Variants in PHF21A observed in about 807,000 individuals in gnomAD.
PHF21A encodes BHC80a.
Under a neutral mutation model 82.5 loss-of-function variants are expected in PHF21A, and 11 were observed. That is an observed-to-expected ratio of 0.13 (90% confidence interval 0.08 to 0.22). The LOEUF (loss-of-function observed/expected upper bound fraction) is 0.22, where lower values mean the gene tolerates loss of function less well. Ranked by LOEUF, PHF21A falls within the 10% of genes least tolerant of loss-of-function variation. The pLI, the probability that PHF21A is intolerant of heterozygous loss-of-function variation, is 1.00. For missense variants in PHF21A, 579 were observed against 837.8 expected (o/e 0.69, Z 3.81); for synonymous variants, 297 against 302.8 (o/e 0.98, Z 0.20).
At chr11:45,976,279 T>G (rs1423155753) in intron 7 of PHF21A, among the ~76,000 whole-genome samples, 1 of 152,202 alleles carries the variant, frequency 6.6e-6, no homozygotes, top group Non-Finnish European at 1.5e-5. Flanking sequence ...CAACCCTCCT[T>G]GACAAGTACT....
At chr11:46,106,554 G>A (rs532272494) in intron 1 of PHF21A, among the ~76,000 whole-genome samples, 3 of 152,246 alleles carry the variant, frequency 2.0e-5, no homozygotes, top group African/African-American at 4.8e-5. Flanking sequence ...TTTGGTCTTC[G>A]AGATATGATG....
intron 6 of PHF21A, among the ~76,000 whole-genome samples, chr11:46,045,285 T>G (rs561597626): frequency 6.6e-6 from 1 of 152,282 alleles, no homozygotes; most frequent in East Asian, 1.9e-4. Flanking sequence ...TTTTTCCCTA[T>G]GAAAGATCAT....
intron 7 of PHF21A, among the ~76,000 whole-genome samples, chr11:45,971,717 T>C (rs1565333682): frequency 1.3e-5 from 2 of 151,962 alleles, no homozygotes; most frequent in African/African-American, 2.4e-5. Flanking sequence ...TTCTAGTTCT[T>C]TGCTTGCTGT....
At chr11:46,085,580 A>G (rs1212050294) in intron 3 of PHF21A, among the ~76,000 whole-genome samples, 1 of 152,174 alleles carries the variant, frequency 6.6e-6, no homozygotes, top group Non-Finnish European at 1.5e-5. Context: ...TCTTCTTTGC[A>G]CCTATAAAGC....
At chr11:45,999,552 G>A (rs1427281971) in intron 6 of PHF21A, among the ~76,000 whole-genome samples, 3 of 152,294 alleles carry the variant, frequency 2.0e-5, no homozygotes, top group Admixed American at 2.0e-4. Context: ...CAAAATGCAA[G>A]CTTATTTTGA....
intron 10 of PHF21A, among the ~76,000 whole-genome samples, chr11:45,962,933 G>T (rs2093198849): frequency 6.6e-6 from 1 of 151,398 alleles, no homozygotes; most frequent in African/African-American, 2.4e-5. Flanking sequence ...TGCTACAAAA[G>T]AAATTATTTT....
chr11:46,008,666 T>G (rs1217521992), intron 6 of PHF21A, among the ~76,000 whole-genome samples: 2 of 152,190 alleles, frequency 1.3e-5, no homozygotes, highest in Non-Finnish European at 2.9e-5. Flanking sequence ...AGTCACACTC[T>G]CTGAGTTCCA....
intron 1 of PHF21A, among the ~76,000 whole-genome samples, chr11:46,113,761 G>A (rs1207202806): frequency 1.3e-5 from 2 of 151,306 alleles, no homozygotes; most frequent in Non-Finnish European, 1.5e-5. Context: ...GGGAGGTGGA[G>A]GCTGCAGTGA....
intron 1 of PHF21A, among the ~76,000 whole-genome samples, chr11:46,114,312 G>C (rs1242346860): frequency 6.6e-6 from 1 of 152,154 alleles, no homozygotes; most frequent in Non-Finnish European, 1.5e-5. Flanking sequence ...TTTTCTGCAA[G>C]TCTGTGGAAG....
intron 10 of PHF21A, among the ~76,000 whole-genome samples, chr11:45,957,824 G>C (rs1034617441): frequency 3.5e-5 from 5 of 142,126 alleles, no homozygotes; most frequent in African/African-American, 1.3e-4. Flanking sequence ...AAGAACAACA[G>C]ACTCAACAAA....
intron 6 of PHF21A, among the ~76,000 whole-genome samples, chr11:46,017,888 A>G (rs1488080912): frequency 6.6e-6 from 1 of 152,210 alleles, no homozygotes; most frequent in Non-Finnish European, 1.5e-5. Flanking sequence ...TGTAATCTCA[A>G]TTGGAACACA....
intron 6 of PHF21A, among the ~76,000 whole-genome samples, chr11:46,037,844 C>G (rs1361318048): frequency 2.0e-5 from 3 of 151,854 alleles, no homozygotes; most frequent in Admixed American, 2.0e-4. Context: ...TTAGTAAGAG[C>G]TTTATCTCAA....
At position 45,948,933 on chromosome 11, in the gene PHF21A, G is replaced by C. The variant is rs2091712433; in HGVS notation, c.1241C>G (p.Ala414Gly). ...CATTGTGCTGTTTAGGTATGTCACT[G>C]CACTCTTCTTACGCTTTGAGGGTTG... is the stretch of plus-strand genomic sequence containing the variant. ...AVFEPERKKS[A>G]VTYLNSTMHP... is the part of the protein sequence containing the mutation. The change falls in exon 14 of 19, where the codon GCA (alanine) becomes GGA (glycine). Residue 414 changes from alanine (A) to glycine (G), a missense_variant. Coordinates refer to ENST00000676320, the MANE Select transcript of PHF21A (RefSeq NM_001352027.3). The C allele has an allele frequency of 1.9e-6, 3 of 1,613,698 alleles. No homozygotes were observed. Among genetic ancestry groups the C allele is most frequent in the Middle Eastern group, 3.3e-4 (2 of 6,074 alleles).
chr11:46,114,443 A>T (rs2097262967), intron 1 of PHF21A, among the ~76,000 whole-genome samples: 1 of 152,242 alleles, frequency 6.6e-6, no homozygotes, highest in Admixed American at 6.5e-5. Flanking sequence ...AATTCCTAAC[A>T]AGGAAAGATA....
chr11:45,969,129 T>C (rs918145405), intron 9 of PHF21A, among the ~76,000 whole-genome samples: 18 of 152,162 alleles, frequency 1.2e-4, no homozygotes, highest in African/African-American at 4.3e-4. Context: ...CTTCTTCTTC[T>C]CCCTTTGTCT....
At chr11:45,941,838 A>C (rs535217035) in intron 15 of PHF21A, among the ~76,000 whole-genome samples, 2 of 152,340 alleles carry the variant, frequency 1.3e-5, no homozygotes, top group East Asian at 3.9e-4. Flanking sequence ...TACCAACTGC[A>C]ATTTCATCAT....
At chr11:45,934,251 C>T (rs759873830) in intron 18 of PHF21A, 26 bp from the exon 19 acceptor site, 5 of 1,600,444 alleles carry the variant, frequency 3.1e-6, no homozygotes, top group Admixed American at 1.7e-5. Context: ...AGGGCAGTGG[C>T]ACTGAGCCGC....
At chr11:46,015,262 AGACTGC>A (rs1249403879) in intron 6 of PHF21A, among the ~76,000 whole-genome samples, 3 of 152,144 alleles carry the variant, frequency 2.0e-5, no homozygotes, top group Non-Finnish European at 4.4e-5. Flanking sequence ...TTGGCTACAT[AGACTGC>A]AAATATTTTC....
Position 45,933,815 on chromosome 11 carries a change from G to A in PHF21A, c.*153C>T, listed in dbSNP as rs183541088. The A allele has an allele frequency of 2.8e-3, 1,862 of 667,760 alleles. 9 individuals are homozygous for A. Among genetic ancestry groups the A allele is most frequent in the Non-Finnish European group, 2.6e-3 (1,101 of 418,442 alleles). The allele number at this position is 667,760 out of a possible 1,614,324, so 41.4% of individuals were successfully genotyped here. On this transcript the variant is annotated 3_prime_UTR_variant, in exon 19 of 19. Coordinates refer to ENST00000676320, the MANE Select transcript of PHF21A (RefSeq NM_001352027.3). ...AAGAAGGATCAATTGGCAAACTCTG[G>A]TGCCACCTGGCACAAGCATCTTCTC...
Sources: gnomAD v4.1 joint callset for allele counts (sites outside exome capture counted in the v4.1 genomes callset) on GRCh38, gnomAD v4.1.1 for gene constraint, MANE v1.5 for transcripts, NCBI Gene and HGNC (gene_info 2026-07-23, HGNC 2026-07-21) for gene names.